Variants in CR1L observed in about 807,000 individuals in gnomAD.
CR1L encodes complement component receptor 1-like protein.
In CR1L, 59 loss-of-function variants were observed where a neutral mutation model predicts 62.3. The ratio of observed to expected loss-of-function variants is 0.95; its 90% CI spans 0.77 to 1.18. The LOEUF (loss-of-function observed/expected upper bound fraction) is 1.18. Ranked by LOEUF, CR1L falls within the 50% of genes most tolerant of loss-of-function variation. The pLI is 0.00. For synonymous variants in CR1L, 279 were observed against 248.7 expected (o/e 1.12, Z -1.15); for missense variants, 700 against 702.8 (o/e 1.00, Z 0.04).
intron 5 of CR1L, among the ~76,000 whole-genome samples, chr1:207,697,006 T>C (rs1404861320): frequency 6.6e-6 from 1 of 152,150 alleles, no homozygotes; most frequent in Non-Finnish European, 1.5e-5. Flanking sequence ...GAGAGAAGAC[T>C]TGAAAGGAGA....
intron 2 of CR1L, among the ~76,000 whole-genome samples, chr1:207,677,824 T>C (rs2296156): frequency 0.36 from 55,408 of 152,138 alleles, 10,256 homozygotes; most frequent in Non-Finnish European, 0.4. Context: ...GGGTCTCCCA[T>C]TTTCATGACT....
chr1:207,693,022 A>G (rs1329759327), intron 4 of CR1L, among the ~76,000 whole-genome samples: 1 of 152,122 alleles, frequency 6.6e-6, no homozygotes, highest in Non-Finnish European at 1.5e-5. Context: ...ACATTTTTCT[A>G]ATTGTGGTTC....
intron 1 of CR1L, among the ~76,000 whole-genome samples, chr1:207,669,928 G>A (rs1663584576): frequency 6.6e-6 from 1 of 151,180 alleles, no homozygotes; most frequent in East Asian, 1.9e-4. Context: ...CGGGACTTGG[G>A]GATCCGACAA....
chr1:207,700,019 ATAAT>A (rs1362358186), intron 8 of CR1L, among the ~76,000 whole-genome samples: 1 of 152,190 alleles, frequency 6.6e-6, no homozygotes, highest in Non-Finnish European at 1.5e-5. Flanking sequence ...AGATTCATAA[ATAAT>A]AAGTCATTTT....
chr1:207,679,066 G>A (rs1263282661), intron 3 of CR1L, among the ~76,000 whole-genome samples: 4 of 147,872 alleles, frequency 2.7e-5, no homozygotes, highest in African/African-American at 5.0e-5. Flanking sequence ...GCGAGATCTC[G>A]GCTCACTGCA....
At chr1:207,652,810 A>T in intron 1 of CR1L, 1 of 577,594 alleles carries the variant, frequency 1.7e-6, no homozygotes, top group Non-Finnish European at 3.1e-6. Flanking sequence ...TACATATTCC[A>T]CTATGGAGAT....
At chr1:207,661,051 C>T (rs932304063) in intron 1 of CR1L, among the ~76,000 whole-genome samples, 13 of 152,210 alleles carry the variant, frequency 8.5e-5, no homozygotes, top group Non-Finnish European at 1.3e-4. Context: ...TGCTGTGGAG[C>T]GCTTTACTTC....
At chr1:207,704,595 C>G (rs1366152712) in intron 9 of CR1L, among the ~76,000 whole-genome samples, 3 of 152,176 alleles carry the variant, frequency 2.0e-5, no homozygotes, top group Non-Finnish European at 4.4e-5. Flanking sequence ...AAGAAATAGC[C>G]ACAGCCACCC....
At chr1:207,702,081 G>C (rs927061459) in intron 9 of CR1L, among the ~76,000 whole-genome samples, 1 of 152,126 alleles carries the variant, frequency 6.6e-6, no homozygotes, top group Non-Finnish European at 1.5e-5. Context: ...TTGTGGCAAC[G>C]CTGCAACAAG....
chr1:207,656,244 A>G (rs897864099), intron 1 of CR1L, among the ~76,000 whole-genome samples: 1 of 151,492 alleles, frequency 6.6e-6, no homozygotes, highest in Non-Finnish European at 1.5e-5. Context: ...TCTCAAAATC[A>G]ATCAATCAAT....
chr1:207,698,584 C>G (rs1435220686), intron 7 of CR1L, among the ~76,000 whole-genome samples: 1 of 152,160 alleles, frequency 6.6e-6, no homozygotes, highest in Non-Finnish European at 1.5e-5. Context: ...AAAGCCAGCA[C>G]CCAGTAAGAG....
chr1:207,648,658 G>A (rs191820033), intron 1 of CR1L, among the ~76,000 whole-genome samples: 199 of 152,244 alleles, frequency 1.3e-3, no homozygotes, highest in African/African-American at 4.1e-3. Flanking sequence ...CAAAACCCCC[G>A]ATCTCCTGTT....
At chr1:207,716,645 C>G (rs1371805194) in intron 10 of CR1L, among the ~76,000 whole-genome samples, 1 of 152,096 alleles carries the variant, frequency 6.6e-6, no homozygotes, top group Non-Finnish European at 1.5e-5. Flanking sequence ...CCAACAAACT[C>G]AACCCTTACA....
chr1:207,678,127 TGAGAC>T, intron 2 of CR1L, 66 bp from the exon 3 acceptor site: 1 of 1,359,604 alleles, frequency 7.4e-7, no homozygotes, highest in Non-Finnish European at 1.1e-6. Flanking sequence ...ATAGGCAGGT[TGAGAC>T]CTTATGTACT....
chr1:207,713,001 T>G (rs551387283), intron 10 of CR1L, among the ~76,000 whole-genome samples: 1 of 152,288 alleles, frequency 6.6e-6, no homozygotes, highest in Non-Finnish European at 1.5e-5. Flanking sequence ...GAAATAAGCG[T>G]TAATCCAATT....
chr1:207,647,317 T>C (rs1663142458), intron 1 of CR1L, among the ~76,000 whole-genome samples: 1 of 152,198 alleles, frequency 6.6e-6, no homozygotes. Context: ...GTTCCCTCAG[T>C]CCTGGAACGT....
At chr1:207,668,091 T>G (rs1663550050) in intron 1 of CR1L, among the ~76,000 whole-genome samples, 1 of 150,978 alleles carries the variant, frequency 6.6e-6, no homozygotes, top group Admixed American at 6.6e-5. Flanking sequence ...AATATGGCCA[T>G]TATGGGAAAT....
intron 1 of CR1L, among the ~76,000 whole-genome samples, chr1:207,646,345 A>G (rs569740863): frequency 2.0e-5 from 3 of 152,298 alleles, no homozygotes; most frequent in South Asian, 2.1e-4. Context: ...GTTTTCCCCT[A>G]CAGCTCATAA....
At chr1:207,645,549 G>C (rs1194093797) in intron 1 of CR1L, among the ~76,000 whole-genome samples, 1 of 152,216 alleles carries the variant, frequency 6.6e-6, no homozygotes, top group African/African-American at 2.4e-5. Flanking sequence ...TCGTGTGCGC[G>C]GCCGACATTT....
Sources: gnomAD v4.1 joint callset for allele counts (sites outside exome capture counted in the v4.1 genomes callset) on GRCh38, gnomAD v4.1.1 for gene constraint, MANE v1.5 for transcripts, NCBI Gene and HGNC (gene_info 2026-07-23, HGNC 2026-07-21) for gene names.